SIK3: variants seen among roughly 807,000 people sequenced by gnomAD.
SIK3 encodes SIK family kinase 3.
A neutral mutation model predicts 144.2 loss-of-function variants in SIK3; 28 were observed. That is an observed-to-expected ratio of 0.19 (90% CI 0.14 to 0.27). The LOEUF is 0.27. SIK3 is among the 10% of genes least tolerant of loss of function. The pLI is 1.00. For missense variants in SIK3, 1,319 were observed against 1,776.0 expected, an observed-to-expected ratio of 0.74 and a Z score of 4.62; for synonymous variants, 686 against 676.3, an observed-to-expected ratio of 1.01 and a Z score of -0.22.
intron 4 of SIK3, 66 bp from the exon 5 acceptor site, chr11:116,897,383 T>A: frequency 1.4e-6 from 2 of 1,394,512 alleles, no homozygotes; most frequent in Non-Finnish European, 2.0e-6. Context: ...CAAACACTAG[T>A]CTCTAGTCAC....
intron 1 of SIK3, among the ~76,000 whole-genome samples, chr11:116,964,888 T>A (rs985315654): frequency 1.2e-4 from 18 of 151,144 alleles, no homozygotes; most frequent in African/African-American, 3.9e-4. Context: ...ATCTCAAAAA[T>A]AATAATAATA....
intron 1 of SIK3, among the ~76,000 whole-genome samples, chr11:117,043,428 T>A (rs1269800390): frequency 6.6e-6 from 1 of 152,140 alleles, no homozygotes; most frequent in Non-Finnish European, 1.5e-5. Context: ...CAATGAGGCT[T>A]AAGAGGCTTA....
At chr11:116,919,828 G>A (rs2135054772) in intron 4 of SIK3, among the ~76,000 whole-genome samples, 1 of 151,934 alleles carries the variant, frequency 6.6e-6, no homozygotes, top group South Asian at 2.1e-4. Flanking sequence ...CCTCTTCCTG[G>A]TCAAGACATA....
At chr11:116,921,506 G>A (rs369987017) in intron 4 of SIK3, among the ~76,000 whole-genome samples, 21 of 152,152 alleles carry the variant, frequency 1.4e-4, no homozygotes, top group African/African-American at 4.1e-4. Context: ...CTTGGTAACT[G>A]CCTTTAGAAA....
intron 1 of SIK3, among the ~76,000 whole-genome samples, chr11:117,063,534 A>G (rs1461336028): frequency 1.3e-5 from 2 of 152,098 alleles, no homozygotes; most frequent in Non-Finnish European, 2.9e-5. Context: ...ATGTGAGTAA[A>G]AAGAAATTAT....
In SIK3 at chr11:116,953,197, T is replaced by G. The variant is rs143550540; in HGVS notation, c.454+847A>C. ...TGATTCTATGCTTTTAAATACATTT[T>G]ATCGTGCAGGAAGGAGCAAATGTTT... is the stretch of plus-strand genomic sequence containing the variant. On this transcript the variant is annotated intron_variant, in intron 3 of 24. Transcript: ENST00000445177. 2.0e-3 allele frequency among the ~76,000 whole-genome samples: 312 copies of G among 152,304 alleles called. 13 individuals are homozygous for G. In the East Asian group the frequency reaches 0.055, roughly 27 times the overall value.
At chr11:116,897,431 A>G in intron 4 of SIK3, 114 bp from the exon 5 acceptor site, 1 of 953,464 alleles carries the variant, frequency 1.0e-6, no homozygotes, top group Non-Finnish European at 1.6e-6. Context: ...TTAAATGCAA[A>G]AAGAGAACAT....
intron 3 of SIK3, among the ~76,000 whole-genome samples, chr11:116,953,436 G>A (rs985144087): frequency 6.6e-6 from 1 of 152,082 alleles, no homozygotes; most frequent in African/African-American, 2.4e-5. Context: ...AAATCGTTTT[G>A]TCAGTTTTTA....
At chr11:116,941,239 C>T (rs981845679) in intron 3 of SIK3, among the ~76,000 whole-genome samples, 3 of 152,054 alleles carry the variant, frequency 2.0e-5, no homozygotes, top group Non-Finnish European at 4.4e-5. Context: ...ATCTCCTGAC[C>T]TCGTGATCCG....
chr11:116,897,081 T>A (rs952408664), intron 5 of SIK3, 112 bp downstream of exon 5: 1 of 1,117,030 alleles, frequency 9.0e-7, no homozygotes, highest in African/African-American at 1.6e-5. Flanking sequence ...AAAGAACAGG[T>A]GACCAGGATC....
intron 5 of SIK3, 70 bp from the exon 6 acceptor site, chr11:116,896,446 T>C: frequency 6.6e-7 from 1 of 1,523,568 alleles, no homozygotes; most frequent in Non-Finnish European, 8.9e-7. Flanking sequence ...CTGTAGTGTG[T>C]GTATGCAGAT....
At chr11:117,018,050 C>CA (rs1951608431) in intron 1 of SIK3, among the ~76,000 whole-genome samples, 1 of 152,146 alleles carries the variant, frequency 6.6e-6, no homozygotes, top group Middle Eastern at 3.4e-3. Flanking sequence ...ATAAAATCTT[C>CA]GGGGGTAATA....
chr11:117,041,236 T>C (rs565229261), intron 1 of SIK3, among the ~76,000 whole-genome samples: 19 of 152,000 alleles, frequency 1.3e-4, no homozygotes, highest in Non-Finnish European at 2.4e-4. Flanking sequence ...GGGAAAAAAA[T>C]AGCAAAGCAA....
intron 1 of SIK3, among the ~76,000 whole-genome samples, chr11:117,056,522 A>G (rs1459043979): frequency 6.7e-6 from 1 of 150,296 alleles, no homozygotes. Context: ...CTTAAAGTAT[A>G]ATAAAAATAT....
chr11:116,974,991 A>T (rs1331213602), intron 1 of SIK3, among the ~76,000 whole-genome samples: 1 of 152,106 alleles, frequency 6.6e-6, no homozygotes, highest in Non-Finnish European at 1.5e-5. Context: ...ATTTGGCCCT[A>T]ATTCTTTTAA....
At position 116,859,393 on chromosome 11, in the gene SIK3, G is replaced by A. The variant is rs568332064; in HGVS notation, c.2637C>T (p.Arg879=). 6.6e-5 allele frequency: 107 copies of A among 1,614,202 alleles called. No homozygotes were observed. The highest frequency in any genetic ancestry group is 3.5e-4 in the South Asian group (32 of 91,088). The part of the protein sequence containing the change: ...MPGTAAGSSG[R]GISISPSAGQ... The stretch of plus-strand genomic sequence containing the variant: ...CAGCACTGGGGCTGATGGAGATGCC[G>A]CGCCCACTGGAGCCTGCAGCTGTGC... The change falls in exon 20 of 25, where the codon CGC becomes CGT. Residue 879 remains arginine, a synonymous_variant. Coordinates refer to ENST00000445177, the MANE Select transcript of SIK3 (RefSeq NM_001366686.3).
At chr11:117,074,888 T>C (rs1279487440) in intron 1 of SIK3, among the ~76,000 whole-genome samples, 4 of 151,360 alleles carry the variant, frequency 2.6e-5, no homozygotes, top group South Asian at 2.1e-4. Flanking sequence ...GATCGCGCCA[T>C]TGCACTCCAG....
At chr11:116,900,873 T>A (rs140484568) in intron 4 of SIK3, among the ~76,000 whole-genome samples, 4,722 of 151,666 alleles carry the variant, frequency 0.031, 88 homozygotes, top group Admixed American at 0.042. Context: ...TTATTTTTTT[T>A]TTTTTTTTGA....
rs760714407 is a variant in SIK3, at chr11:116,873,943, G to C, written c.1541C>G (p.Pro514Arg). ...PNVNFMHNLLPMQNLQPTGQL... is the reference protein window; with the variant it reads ...PNVNFMHNLLRMQNLQPTGQL... ...CCCGGTTGGTTGCAAGTTTTGCATA[G>C]GCAACAGGTTGTGCATGAAGTTCAC... The change falls in exon 12 of 25, where the codon CCT becomes CGT. Residue 514 changes from proline to arginine, a missense_variant. Transcript: ENST00000445177. 2 of 1,613,958 alleles carry C rather than the reference G, an allele frequency of 1.2e-6. No homozygotes were observed. The highest frequency in any genetic ancestry group is 1.7e-6 in the Non-Finnish European group (2 of 1,179,948).
Sources: gnomAD v4.1 joint callset for allele counts (sites outside exome capture counted in the v4.1 genomes callset) on GRCh38, gnomAD v4.1.1 for gene constraint, MANE v1.5 for transcripts, NCBI Gene and HGNC (gene_info 2026-07-23, HGNC 2026-07-21) for gene names.